Variants in CACNA1A observed in about 807,000 individuals in gnomAD.
CACNA1A encodes the protein calcium voltage-gated channel subunit alpha1 A.
Under a neutral mutation model 262.4 loss-of-function variants are expected in CACNA1A, and 57 were observed. The ratio of observed to expected loss-of-function variants is 0.22; its 90% confidence interval spans 0.18 to 0.27. The LOEUF is 0.27. CACNA1A is among the 10% of genes least tolerant of loss of function. The pLI is 1.00. For missense variants in CACNA1A, 2,526 were observed against 3,562.8 expected (o/e 0.71, Z 7.41); for synonymous variants, 1,431 against 1,419.3 (o/e 1.01, Z -0.18).
chr19:13,312,004 G>C (rs2058045297), intron 12 of CACNA1A, among the ~76,000 whole-genome samples: 1 of 152,160 alleles, frequency 6.6e-6, no homozygotes, highest in South Asian at 2.1e-4. Context: ...ATTCTGGCCT[G>C]TGTCTCCTAG....
rs891148259 is a variant in CACNA1A at position 13,384,743 on chromosome 19, G to A, written c.540-12964C>T. Among the ~76,000 whole-genome samples, 6 of 152,258 alleles carry A rather than the reference G, an allele frequency of 3.9e-5. No individual in the cohort carries two copies. The East Asian group carries it at 1.2e-3, about 29-fold the overall frequency. ...ACAATAGCAACAACAAAAACACACA[G>A]AAATAAAGTATTTTGAGAAAGGAGA... On this transcript the variant is annotated intron_variant, in intron 3 of 46. Transcript: ENST00000360228.
chr19:13,253,445 C>CTTTTTT (rs57960659), intron 29 of CACNA1A, among the ~76,000 whole-genome samples: 12 of 94,228 alleles, frequency 1.3e-4, no homozygotes, highest in Non-Finnish European at 1.7e-4. Flanking sequence ...CTGAATTATA[C>CTTTTTT]TTTTTTTTTT....
intron 3 of CACNA1A, among the ~76,000 whole-genome samples, chr19:13,402,383 G>C (rs993379402): frequency 6.6e-6 from 1 of 152,070 alleles, no homozygotes; most frequent in South Asian, 2.1e-4. Context: ...TAGAGACTTG[G>C]GGGGAAGAGT....
At chr19:13,347,287 T>C (rs1212756175) in intron 6 of CACNA1A, among the ~76,000 whole-genome samples, 1 of 151,756 alleles carries the variant, frequency 6.6e-6, no homozygotes, top group Non-Finnish European at 1.5e-5. Flanking sequence ...GGTCTTAAAC[T>C]CTAGGGCTCA....
chr19:13,373,367 T>G (rs1291974109), intron 3 of CACNA1A, among the ~76,000 whole-genome samples: 1 of 152,206 alleles, frequency 6.6e-6, no homozygotes, highest in Non-Finnish European at 1.5e-5. Context: ...AACACTTCAG[T>G]CTGTGGCCAA....
intron 10 of CACNA1A, among the ~76,000 whole-genome samples, chr19:13,325,149 T>G (rs28678180): frequency 6.8e-6 from 1 of 147,288 alleles, no homozygotes; most frequent in Non-Finnish European, 1.5e-5. Context: ...CCTCTTCTTC[T>G]TCTTCCTTCT....
At chr19:13,402,857 T>TATAC (rs1491547045) in intron 3 of CACNA1A, among the ~76,000 whole-genome samples, 10 of 75,784 alleles carry the variant, frequency 1.3e-4, no homozygotes, top group Non-Finnish European at 2.0e-4. Flanking sequence ...CATATATATA[T>TATAC]ACACACACAC....
At chr19:13,485,855 C>T (rs1484744228) in intron 1 of CACNA1A, among the ~76,000 whole-genome samples, 2 of 152,186 alleles carry the variant, frequency 1.3e-5, no homozygotes. Context: ...CCAACAATTT[C>T]ACACAGAGCG....
intron 6 of CACNA1A, 107 bp from the exon 7 acceptor site, chr19:13,336,016 T>C (rs1413421753): frequency 4.6e-6 from 3 of 657,096 alleles, no homozygotes; most frequent in Non-Finnish European, 8.0e-6. Flanking sequence ...CTGTCTTAAA[T>C]GTTCTTGGCT....
chr19:13,287,335 A>G (rs1285495964), intron 19 of CACNA1A, among the ~76,000 whole-genome samples: 1 of 151,922 alleles, frequency 6.6e-6, no homozygotes, highest in Non-Finnish European at 1.5e-5. Flanking sequence ...TGGGTGACAG[A>G]GTGAGACCCT....
intron 3 of CACNA1A, among the ~76,000 whole-genome samples, chr19:13,393,336 C>T (rs935907583): frequency 1.3e-5 from 2 of 152,144 alleles, no homozygotes; most frequent in African/African-American, 2.4e-5. Context: ...ACACATACAA[C>T]GTCAAGGGAA....
chr19:13,392,244 A>G (rs780885319), intron 3 of CACNA1A, among the ~76,000 whole-genome samples: 1 of 152,104 alleles, frequency 6.6e-6, no homozygotes, highest in Admixed American at 6.6e-5. Flanking sequence ...AAAGAAAGAA[A>G]GAGAAGAATG....
Position 13,245,197 on chromosome 19 carries a change from G to C in CACNA1A, c.4935C>G (p.Leu1645=). Residue 1645 remains leucine, a synonymous_variant, in exon 31 of 47, where the codon CTC becomes CTG. Transcript: ENST00000360228. ...VTVLGSITDI[L]VTEFGNNFIN... The stretch of plus-strand genomic sequence containing the variant: ...GGAGACTTACCCCAAACTCAGTCAC[G>C]AGGATATCGGTGATGCTGCCCAGAA... 1 of 1,613,652 alleles carries C rather than the reference G, an allele frequency of 6.2e-7. No individual in the cohort carries two copies. The highest frequency in any genetic ancestry group is 8.5e-7 in the Non-Finnish European group (1 of 1,179,564).
rs1418026366 is a variant in CACNA1A at position 13,299,023 on chromosome 19, G to A, written c.2610C>T (p.Asp870=). ...KQARYHDRAR[D]PSGSAGLDAR... ...CGTCCAGGCCCGCCGAGCCGCTGGG[G>A]TCCCGGGCCCGATCGTGGTAGCGGG... Residue 870 remains aspartate (D), a synonymous_variant, in exon 19 of 47, where the codon GAC becomes GAT. Coordinates refer to ENST00000360228, the MANE Select transcript of CACNA1A (RefSeq NM_001127222.2). 1 of 1,591,152 alleles carries A rather than the reference G, an allele frequency of 6.3e-7. No individual in the cohort carries two copies. The highest frequency in any genetic ancestry group is 8.5e-7 in the Non-Finnish European group (1 of 1,174,678).
chr19:13,255,963 T>C lies in CACNA1A; in HGVS notation c.4591-704A>G, dbSNP rs867094453. The stretch of plus-strand genomic sequence containing the variant: ...CCCTCCTTTCTTTCTCTCTCTCATT[T>C]CCTTCCTTCCCTCCCTCCCTCCCTC... On this transcript the variant is annotated intron_variant, in intron 28 of 46. Transcript: ENST00000360228. 2.8e-5 allele frequency among the ~76,000 whole-genome samples: 4 copies of C among 144,974 alleles called. No individual in the cohort carries two copies. The South Asian group carries it at 9.0e-4, about 33-fold the overall frequency.
chr19:13,291,089 A>T (rs935490118), intron 19 of CACNA1A, among the ~76,000 whole-genome samples: 2 of 152,002 alleles, frequency 1.3e-5, no homozygotes, highest in African/African-American at 4.8e-5. Context: ...GGGGCAGAAA[A>T]CTTTGAAGCT....
At chr19:13,381,143 G>C (rs574633503) in intron 3 of CACNA1A, among the ~76,000 whole-genome samples, 1 of 152,090 alleles carries the variant, frequency 6.6e-6, no homozygotes, top group Non-Finnish European at 1.5e-5. Context: ...TCAGCTACTC[G>C]GGAGGCTGAG....
chr19:13,350,559 C>G (rs1217186423), intron 6 of CACNA1A, among the ~76,000 whole-genome samples: 1 of 152,202 alleles, frequency 6.6e-6, no homozygotes, highest in Non-Finnish European at 1.5e-5. Context: ...CCATTACCAA[C>G]AGAAATCACA....
chr19:13,355,706 A>G (rs2058996651), intron 6 of CACNA1A, among the ~76,000 whole-genome samples: 1 of 152,166 alleles, frequency 6.6e-6, no homozygotes, highest in Admixed American at 6.5e-5. Flanking sequence ...GTGACAGCTG[A>G]TTGCAGTATA....
Sources: allele counts gnomAD v4.1 joint callset (sites outside exome capture counted in the v4.1 genomes callset), GRCh38; gene constraint gnomAD v4.1.1; transcripts MANE v1.5; gene names NCBI Gene and HGNC (gene_info 2026-07-23, HGNC 2026-07-21).